NOX4: variants seen among roughly 807,000 people sequenced by gnomAD.
The protein encoded by NOX4 is NADPH oxidase 4.
In NOX4, 69 loss-of-function variants were observed where a neutral mutation model predicts 87.6. The ratio of observed to expected loss-of-function variants is 0.79; its 90% CI spans 0.65 to 0.96. NOX4 has a LOEUF of 0.96. Ranked by LOEUF, NOX4 falls within the 40% of genes least tolerant of loss-of-function variation. The pLI is 0.00. For synonymous variants in NOX4, 275 were observed against 238.2 expected, an observed-to-expected ratio of 1.15 and a Z score of -1.42; for missense variants, 680 against 681.5, an observed-to-expected ratio of 1.00 and a Z score of 0.02.
At chr11:89,416,550 A>G (rs1007102920) in intron 8 of NOX4, among the ~76,000 whole-genome samples, 5 of 152,122 alleles carry the variant, frequency 3.3e-5, no homozygotes, top group Non-Finnish European at 2.9e-5. Flanking sequence ...CCGAGGCCAT[A>G]ATAGAGGGAG....
At chr11:89,581,766 T>C in the NOX4 span, among the ~76,000 whole-genome samples, 4 of 152,170 alleles carry the variant, frequency 2.6e-5, no homozygotes, top group Non-Finnish European at 5.9e-5. Flanking sequence ...CTTGATAAGT[T>C]TGGAGGTAAC....
the NOX4 span, among the ~76,000 whole-genome samples, chr11:89,534,700 C>T: frequency 6.6e-6 from 1 of 152,180 alleles, no homozygotes; most frequent in African/African-American, 2.4e-5. Context: ...CCAGATTCTC[C>T]TCTATCAGAT....
At chr11:89,487,529 G>C (rs1017801776) in intron 2 of NOX4, among the ~76,000 whole-genome samples, 9 of 152,134 alleles carry the variant, frequency 5.9e-5, no homozygotes, top group African/African-American at 2.2e-4. Context: ...GTTCAGCCAT[G>C]AAAGTATTGT....
chr11:89,342,178 A>G lies in NOX4; in HGVS notation c.1233T>C (p.Gly411=), dbSNP rs1335139341. ...ATTCCTCAAATGGACTTCCAAAAGGACCATCAATATACAGCCTGTAGAGCA... is the reference window on the plus strand; with the variant it reads ...ATTCCTCAAATGGACTTCCAAAAGGGCCATCAATATACAGCCTGTAGAGCA... ...SRNYPKLYID[G]PFGSPFEESL... The change falls in exon 14 of 18, where the codon GGT becomes GGC. Residue 411 remains glycine (G), a synonymous_variant. Transcript: ENST00000263317. 3.7e-6 allele frequency: 6 copies of G among 1,612,884 alleles called. No individual in the cohort carries two copies. The African/African-American group carries it at 8.0e-5, about 22-fold the overall frequency.
chr11:89,447,573 G>C (rs1334159950), intron 4 of NOX4, among the ~76,000 whole-genome samples: 1 of 152,126 alleles, frequency 6.6e-6, no homozygotes, highest in East Asian at 1.9e-4. Flanking sequence ...GAAAACTGAA[G>C]TTAAAGAAGG....
At chr11:89,485,940 C>G (rs186288272) in intron 2 of NOX4, among the ~76,000 whole-genome samples, 3 of 152,196 alleles carry the variant, frequency 2.0e-5, no homozygotes, top group Admixed American at 6.5e-5. Flanking sequence ...CAGGCATAAA[C>G]CAGCCATGAC....
chr11:89,433,533 C>A (rs1049196266), intron 6 of NOX4, among the ~76,000 whole-genome samples: 1 of 151,984 alleles, frequency 6.6e-6, no homozygotes, highest in East Asian at 1.9e-4. Flanking sequence ...GCAGTGCCTT[C>A]AGTTTCAATT....
chr11:89,459,531 C>G (rs904530287), intron 2 of NOX4, among the ~76,000 whole-genome samples: 1 of 151,942 alleles, frequency 6.6e-6, no homozygotes. Flanking sequence ...AAACAGAGAG[C>G]CAAATCATGA....
At chr11:89,423,777 A>C (rs114241188) in intron 7 of NOX4, among the ~76,000 whole-genome samples, 5,255 of 152,108 alleles carry the variant, frequency 0.035, 318 homozygotes, top group African/African-American at 0.12. Flanking sequence ...TTGAGGGGTC[A>C]GGCATGGTGG....
At chr11:89,447,611 T>C (rs1944763049) in intron 4 of NOX4, among the ~76,000 whole-genome samples, 1 of 152,172 alleles carries the variant, frequency 6.6e-6, no homozygotes. Context: ...AGACGACTAG[T>C]GACTGGCAGA....
intron 2 of NOX4, among the ~76,000 whole-genome samples, chr11:89,487,735 CAT>C (rs1946687968): frequency 6.6e-6 from 1 of 152,204 alleles, no homozygotes; most frequent in African/African-American, 2.4e-5. Context: ...AAGTTAATAA[CAT>C]ATAGTTCTTA....
At chr11:89,546,318 T>A in the NOX4 span, among the ~76,000 whole-genome samples, 1 of 152,178 alleles carries the variant, frequency 6.6e-6, no homozygotes, top group South Asian at 2.1e-4. Flanking sequence ...GCTTATGAAA[T>A]TTCAGCCTCT....
chr11:89,455,110 A>C (rs1216276771), intron 2 of NOX4, among the ~76,000 whole-genome samples: 1 of 152,120 alleles, frequency 6.6e-6, no homozygotes, highest in Non-Finnish European at 1.5e-5. Context: ...TTAGTTAAAC[A>C]CAGGTCTTGC....
intron 13 of NOX4, among the ~76,000 whole-genome samples, chr11:89,348,596 G>A (rs903716997): frequency 6.6e-6 from 1 of 152,084 alleles, no homozygotes; most frequent in Admixed American, 6.6e-5. Flanking sequence ...CAGCGTGGGT[G>A]ACAGAGTGAG....
At chr11:89,573,189 A>T in the NOX4 span, among the ~76,000 whole-genome samples, 1 of 152,198 alleles carries the variant, frequency 6.6e-6, no homozygotes, top group Non-Finnish European at 1.5e-5. Flanking sequence ...GTCGGTATTC[A>T]TTTAAATTTA....
At chr11:89,549,432 G>A in the NOX4 span, among the ~76,000 whole-genome samples, 1 of 152,138 alleles carries the variant, frequency 6.6e-6, no homozygotes, top group African/African-American at 2.4e-5. Context: ...CACTTTTTAT[G>A]TATTATAGAG....
chr11:89,410,373 TA>T (rs1345678994), intron 8 of NOX4, among the ~76,000 whole-genome samples: 2 of 152,156 alleles, frequency 1.3e-5, no homozygotes, highest in Non-Finnish European at 2.9e-5. Context: ...TGGAAGAGCC[TA>T]GAAGGACAAC....
chr11:89,438,457 ACAG>A, intron 6 of NOX4, among the ~76,000 whole-genome samples: 1 of 85,584 alleles, frequency 1.2e-5, no homozygotes, highest in African/African-American at 6.5e-5. Context: ...TATATAATAT[ACAG>A]CATATATATT....
At chr11:89,518,966 T>A in the NOX4 span, among the ~76,000 whole-genome samples, 1 of 152,090 alleles carries the variant, frequency 6.6e-6, no homozygotes, top group East Asian at 1.9e-4. Context: ...AAAGAATATT[T>A]TGTAGTCCTT....
Sources: gnomAD v4.1 joint callset for allele counts (sites outside exome capture counted in the v4.1 genomes callset) on GRCh38, gnomAD v4.1.1 for gene constraint, MANE v1.5 for transcripts, NCBI Gene and HGNC (gene_info 2026-07-23, HGNC 2026-07-21) for gene names.